MED13L: variants seen among roughly 807,000 people sequenced by gnomAD.
MED13L encodes mediator of RNA polymerase II transcription subunit 13-like.
In MED13L, 7 loss-of-function variants were observed where a neutral mutation model predicts 220.9. That is an observed-to-expected ratio of 0.03 (90% CI 0.02 to 0.06). MED13L has a LOEUF of 0.06. Ranked by LOEUF, MED13L falls within the 10% of genes least tolerant of loss-of-function variation. The pLI is 1.00. For missense variants in MED13L, 1,965 were observed against 2,760.5 expected (o/e 0.71, Z 6.46); for synonymous variants, 1,011 against 1,015.2 (o/e 1.00, Z 0.08).
At chr12:116,178,928 C>T (rs1880283517) in intron 2 of MED13L, among the ~76,000 whole-genome samples, 1 of 152,158 alleles carries the variant, frequency 6.6e-6, no homozygotes, top group African/African-American at 2.4e-5. Context: ...ACACCGTTAG[C>T]AAATCAAAGT....
chr12:116,102,710 CTTTTTTTTT>C (rs869201518), intron 3 of MED13L, among the ~76,000 whole-genome samples: 89 of 68,670 alleles, frequency 1.3e-3, no homozygotes, highest in South Asian at 2.8e-3. Context: ...TTTCTTTTTT[CTTTTTTTTT>C]TTTTTTTTTT....
chr12:116,027,499 AAG>A (rs1198143730), intron 4 of MED13L, among the ~76,000 whole-genome samples: 2 of 152,174 alleles, frequency 1.3e-5, no homozygotes, highest in Non-Finnish European at 2.9e-5. Context: ...CTAAAGGGGA[AAG>A]AGAGAATTCA....
At position 116,031,754 on chromosome 12, in the gene MED13L, AGAAAAGAAGGAAG is replaced by A. The variant is rs1386959838; in HGVS notation, c.480-9166_480-9154del. ...AGAAAAGAAAAGAAAAGAAAAGAAAAGAAAAGAAGGAAGGAAGGAAGGAAGGAAGGAAGGAAGG... is the reference window on the plus strand; with the variant it reads ...AGAAAAGAAAAGAAAAGAAAAGAAAAGAAGGAAGGAAGGAAGGAAGGAAGG... On this transcript the variant is annotated intron_variant, in intron 4 of 30. Transcript: ENST00000281928. Among the ~76,000 whole-genome samples, 10 of 82,886 alleles carry A rather than the reference AGAAAAGAAGGAAG, an allele frequency of 1.2e-4. No individual in the cohort carries two copies. In the East Asian group the frequency reaches 1.9e-3, roughly 16 times the overall value. The allele number at this position is 82,886 out of a possible 152,430, so 54.4% of individuals were successfully genotyped here.
In MED13L at chr12:116,102,697, CTTTTTCTTTTTTCTTTTTTTT is replaced by C. The variant is rs1471211120; in HGVS notation, c.396-5966_396-5946del. Among the ~76,000 whole-genome samples, 224 of 73,304 alleles carry C rather than the reference CTTTTTCTTTTTTCTTTTTTTT, an allele frequency of 3.1e-3. 2 individuals carry two copies. Among genetic ancestry groups the C allele is most frequent in the African/African-American group, 9.6e-3 (216 of 22,408 alleles). 48.1% of individuals were successfully genotyped at this position (73,304 alleles called of 152,430 possible). On this transcript the variant is annotated intron_variant, in intron 3 of 30. Coordinates refer to ENST00000281928, the MANE Select transcript of MED13L (RefSeq NM_015335.5). ...CGAGTAATCCCTATATTTTCTTTTT[CTTTTTCTTTTTTCTTTTTTTT>C]TTTTTTTTTTTTTTTTTTTTTGATA...
At chr12:116,061,957 G>T (rs1447132644) in intron 4 of MED13L, among the ~76,000 whole-genome samples, 1 of 142,330 alleles carries the variant, frequency 7.0e-6, no homozygotes, top group Non-Finnish European at 1.5e-5. Flanking sequence ...GCAGTGAGCC[G>T]AGATCACACC....
chr12:115,972,060 T>C lies in MED13L; in HGVS notation c.5890+18A>G. ...TGATGTGATATGTAATTAATGACAA[T>C]GACAAGAAGAAATTTACCTGGCATC... On this transcript the variant is annotated intron_variant, in intron 26 of 30. Transcript: ENST00000281928. 6 of 1,613,248 alleles carry C rather than the reference T, an allele frequency of 3.7e-6. No homozygotes were observed. The highest frequency in any genetic ancestry group is 5.1e-6 in the Non-Finnish European group (6 of 1,179,520).
chr12:116,253,722 A>G (rs1236405257), intron 1 of MED13L, among the ~76,000 whole-genome samples: 1 of 151,492 alleles, frequency 6.6e-6, no homozygotes, highest in Non-Finnish European at 1.5e-5. Context: ...ACATTTAACA[A>G]AAATCAATAC....
Position 116,022,448 on chromosome 12 carries a change from A to G in MED13L, c.625+8T>C. 1 of 1,613,566 alleles carries G rather than the reference A, an allele frequency of 6.2e-7. No individual in the cohort carries two copies. The highest frequency in any genetic ancestry group is 2.2e-5 in the East Asian group (1 of 44,852). ...ATAGGGGTGGAGAGCAGGAACACCC[A>G]TACTTACCTTGAAATGGTGCAGGTG... On this transcript the variant is annotated splice_region_variant and intron_variant, in intron 5 of 30. Transcript: ENST00000281928.
At chr12:116,183,130 A>G (rs1880641015) in intron 2 of MED13L, among the ~76,000 whole-genome samples, 1 of 152,252 alleles carries the variant, frequency 6.6e-6, no homozygotes, top group South Asian at 2.1e-4. Context: ...AGGATCAGAG[A>G]GAAATTTGAA....
intron 2 of MED13L, among the ~76,000 whole-genome samples, chr12:116,185,232 ATAT>A (rs1329269804): frequency 6.6e-6 from 1 of 152,196 alleles, no homozygotes; most frequent in African/African-American, 2.4e-5. Context: ...GTAGAAAGCA[ATAT>A]TATTGGATAA....
chr12:116,227,014 T>C (rs796983380), intron 2 of MED13L, among the ~76,000 whole-genome samples: 2 of 152,276 alleles, frequency 1.3e-5, no homozygotes, highest in African/African-American at 4.8e-5. Context: ...TATCAAGTTT[T>C]AATTTCCATT....
intron 3 of MED13L, among the ~76,000 whole-genome samples, chr12:116,110,668 A>G (rs1874002898): frequency 6.6e-6 from 1 of 151,582 alleles, no homozygotes; most frequent in South Asian, 2.1e-4. Flanking sequence ...ATTAGTTTAT[A>G]GCGGAGAAAC....
chr12:116,163,134 T>G (rs896926804), intron 2 of MED13L, among the ~76,000 whole-genome samples: 4 of 152,190 alleles, frequency 2.6e-5, no homozygotes, highest in African/African-American at 7.2e-5. Context: ...GCTTAAACTA[T>G]TTCTTCTCAA....
Position 115,975,643 on chromosome 12 carries a change from G to T in MED13L, c.5460C>A (p.Ser1820Arg). 6.2e-7 allele frequency: 1 copy of T among 1,614,064 alleles called. No homozygotes were observed. The highest frequency in any genetic ancestry group is 8.5e-7 in the Non-Finnish European group (1 of 1,180,008). ...TELGETFGEASQKYNVLFVGY... is the reference protein window; with the variant it reads ...TELGETFGEARQKYNVLFVGY... ...CCACGAAGAGCACATTGTATTTCTG[G>T]CTCGCCTCACCAAACGTCTCTCCCA... The change falls in exon 24 of 31, where the codon AGC (serine) becomes AGA (arginine). Residue 1820 changes from serine (S) to arginine (R), a missense_variant. Around this residue, in one of 10 missense-constraint regions of MED13L, gnomAD observed 510 missense variants for 620.4 expected, o/e 0.82. Coordinates refer to ENST00000281928, the MANE Select transcript of MED13L (RefSeq NM_015335.5).
At chr12:116,064,918 G>A (rs1417323674) in intron 4 of MED13L, among the ~76,000 whole-genome samples, 2 of 152,110 alleles carry the variant, frequency 1.3e-5, no homozygotes, top group Non-Finnish European at 2.9e-5. Context: ...GTGGCATATA[G>A]TCCGCTTTAA....
At chr12:116,119,836 A>ATATATAT (rs1373268884) in intron 2 of MED13L, among the ~76,000 whole-genome samples, 22 of 72,294 alleles carry the variant, frequency 3.0e-4, no homozygotes, top group East Asian at 4.9e-4. Flanking sequence ...AAAAAAAAAA[A>ATATATAT]AAATATATAT....
At chr12:116,147,146 A>G (rs1279198746) in intron 2 of MED13L, among the ~76,000 whole-genome samples, 1 of 152,222 alleles carries the variant, frequency 6.6e-6, no homozygotes, top group African/African-American at 2.4e-5. Context: ...TGTGCTTATA[A>G]GAGTGGCTAA....
At chr12:116,105,123 G>C (rs1396998020) in intron 3 of MED13L, among the ~76,000 whole-genome samples, 1 of 152,166 alleles carries the variant, frequency 6.6e-6, no homozygotes, top group Non-Finnish European at 1.5e-5. Flanking sequence ...AGAAACTCTT[G>C]AAAAATGATT....
chr12:116,276,969 G>A (rs867908071), intron 1 of MED13L, 91 bp downstream of exon 1: 12 of 1,387,854 alleles, frequency 8.6e-6, no homozygotes, highest in African/African-American at 4.3e-5. Context: ...GCGAAGTCCC[G>A]GCGGCGGGAG....
Sources: allele counts gnomAD v4.1 joint callset (sites outside exome capture counted in the v4.1 genomes callset), GRCh38; gene constraint gnomAD v4.1.1; regional missense constraint gnomAD v4.1.1; transcripts MANE v1.5; gene names NCBI Gene and HGNC (gene_info 2026-07-23, HGNC 2026-07-21).